The following GABRG3 variants were observed in gnomAD, a reference collection of about 807,000 sequenced individuals.
GABRG3 encodes the protein gamma-aminobutyric acid receptor subunit gamma-3.
A neutral mutation model predicts 48.8 loss-of-function variants in GABRG3; 25 were observed. That is an observed-to-expected ratio of 0.51 (90% CI 0.37 to 0.72). The LOEUF (loss-of-function observed/expected upper bound fraction) is 0.72, where lower values mean the gene tolerates loss of function less well. Ranked by LOEUF, GABRG3 falls within the 30% of genes least tolerant of loss-of-function variation. The probability of loss-of-function intolerance (pLI) is 0.00; values close to 1 mark genes in which losing one functional copy is unlikely to be tolerated. For missense variants in GABRG3, 394 were observed against 577.9 expected, an observed-to-expected ratio of 0.68 and a Z score of 3.26; for synonymous variants, 227 against 217.6, an observed-to-expected ratio of 1.04 and a Z score of -0.38.
chr15:27,363,167 C>G (rs943997722), intron 5 of GABRG3: 2 of 152,178 alleles, frequency 1.3e-5, no homozygotes, highest in Non-Finnish European at 2.9e-5. Flanking sequence ...TCCACAAACA[C>G]TGCAAAGGCA....
intron 3 of GABRG3, among the ~76,000 whole-genome samples, chr15:27,245,143 C>G (rs938239489): frequency 5.9e-5 from 9 of 152,160 alleles, no homozygotes; most frequent in African/African-American, 2.2e-4. Context: ...GAGAACTGCC[C>G]TCCTCTGCTG....
rs577482751 is a variant in GABRG3 at position 27,446,331 on chromosome 15, A to G, written c.575-34319A>G. Among the ~76,000 whole-genome samples, 53 of 152,234 alleles carry G rather than the reference A, an allele frequency of 3.5e-4. No homozygotes were observed. The South Asian group carries it at 5.6e-3, about 16-fold the overall frequency. On this transcript the variant is annotated intron_variant, in intron 5 of 9. Coordinates refer to ENST00000615808, the MANE Select transcript of GABRG3 (RefSeq NM_033223.5). ...TAATTTCTTTAAAATATTTTGTAGG[A>G]CATTCGTGTGCTTCTGATTTGATTG... is the stretch of plus-strand genomic sequence containing the variant.
chr15:27,137,952 A>G (rs1898038637), intron 3 of GABRG3, among the ~76,000 whole-genome samples: 1 of 152,182 alleles, frequency 6.6e-6, no homozygotes, highest in African/African-American at 2.4e-5. Flanking sequence ...ACACCCATGC[A>G]CCCATCAAAG....
chr15:27,096,916 C>T lies in GABRG3; in HGVS notation c.270+70095C>T, dbSNP rs746552462. 4.7e-5 allele frequency among the ~76,000 whole-genome samples: 7 copies of T among 149,726 alleles called. No homozygotes were observed. The South Asian group carries it at 8.5e-4, about 18-fold the overall frequency. The stretch of plus-strand genomic sequence containing the variant: ...AGTGCAGTGGCCCAATCTCGGCTCA[C>T]TGCAACCTCCACCTCCTAGGTTCAA... On this transcript the variant is annotated intron_variant, in intron 3 of 9. Coordinates refer to ENST00000615808, the MANE Select transcript of GABRG3 (RefSeq NM_033223.5).
chr15:27,312,748 T>C (rs1045604947), intron 3 of GABRG3, among the ~76,000 whole-genome samples: 5 of 152,146 alleles, frequency 3.3e-5, no homozygotes. Context: ...TCATCACTAC[T>C]AGGCCTGCCT....
chr15:27,343,926 C>T (rs1292968183), intron 5 of GABRG3, among the ~76,000 whole-genome samples: 1 of 148,762 alleles, frequency 6.7e-6, no homozygotes, highest in Non-Finnish European at 1.5e-5. Context: ...TACTTCTAGG[C>T]ACCTTTCCTT....
intron 3 of GABRG3, among the ~76,000 whole-genome samples, chr15:27,119,291 G>T (rs1163668809): frequency 6.6e-6 from 1 of 152,102 alleles, no homozygotes; most frequent in Non-Finnish European, 1.5e-5. Context: ...GTTTATGAAG[G>T]CTCCAGTGTA....
At chr15:27,153,860 A>G (rs1407986359) in intron 3 of GABRG3, among the ~76,000 whole-genome samples, 1 of 152,178 alleles carries the variant, frequency 6.6e-6, no homozygotes, top group East Asian at 1.9e-4. Context: ...TCTGTGTCAT[A>G]TCTGAATCAT....
chr15:27,427,749 T>C (rs1888334000), intron 5 of GABRG3, among the ~76,000 whole-genome samples: 1 of 152,230 alleles, frequency 6.6e-6, no homozygotes, highest in South Asian at 2.1e-4. Flanking sequence ...AAGTAGTTCA[T>C]TTTTTTCTCT....
intron 5 of GABRG3, among the ~76,000 whole-genome samples, chr15:27,453,110 T>C (rs1397544013): frequency 6.6e-6 from 1 of 152,128 alleles, no homozygotes; most frequent in East Asian, 1.9e-4. Context: ...AAGCAGAGAT[T>C]AGAATAGTGG....
chr15:27,060,904 A>G (rs1381932574), intron 3 of GABRG3, among the ~76,000 whole-genome samples: 2 of 152,096 alleles, frequency 1.3e-5, no homozygotes, highest in East Asian at 1.9e-4. Context: ...TTTCTTCTGT[A>G]TGGTCCTAAT....
intron 3 of GABRG3, among the ~76,000 whole-genome samples, chr15:27,062,956 G>C (rs939648224): frequency 3.3e-5 from 5 of 152,178 alleles, no homozygotes; most frequent in African/African-American, 1.2e-4. Context: ...ACTAATATCT[G>C]CTGATCCTTT....
At chr15:27,223,699 G>T (rs1274315670) in intron 3 of GABRG3, among the ~76,000 whole-genome samples, 1 of 152,116 alleles carries the variant, frequency 6.6e-6, no homozygotes, top group Non-Finnish European at 1.5e-5. Flanking sequence ...GTATGGAAAG[G>T]TGTCTAGTAC....
chr15:27,138,968 C>T (rs980219019), intron 3 of GABRG3, among the ~76,000 whole-genome samples: 3 of 151,900 alleles, frequency 2.0e-5, no homozygotes, highest in African/African-American at 7.3e-5. Context: ...TCAGGGTTCT[C>T]CAGAGAGGAA....
At chr15:27,409,330 C>T (rs576477542) in intron 5 of GABRG3, among the ~76,000 whole-genome samples, 3 of 152,028 alleles carry the variant, frequency 2.0e-5, no homozygotes, top group Non-Finnish European at 4.4e-5. Context: ...ATTTTTCAAG[C>T]ACCATTTGTT....
chr15:27,032,837 C>G (rs1256480666), intron 3 of GABRG3, among the ~76,000 whole-genome samples: 11 of 150,346 alleles, frequency 7.3e-5, no homozygotes, highest in Admixed American at 7.3e-4. Context: ...AGTGGTTTTT[C>G]CCTTGCCTCT....
chr15:27,492,400 G>A (rs1421124955), intron 6 of GABRG3, among the ~76,000 whole-genome samples: 2 of 152,186 alleles, frequency 1.3e-5, no homozygotes, highest in African/African-American at 4.8e-5. Context: ...TTAATGCGCT[G>A]CTCCCAGCAC....
At chr15:27,103,832 C>G (rs1316244682) in intron 3 of GABRG3, among the ~76,000 whole-genome samples, 1 of 152,160 alleles carries the variant, frequency 6.6e-6, no homozygotes, top group Non-Finnish European at 1.5e-5. Flanking sequence ...GGGGCATATC[C>G]ACCCACAGTT....
chr15:27,328,944 G>A (rs1490115346), intron 5 of GABRG3, 56 bp downstream of exon 5: 1 of 1,355,956 alleles, frequency 7.4e-7, no homozygotes, highest in Non-Finnish European at 1.1e-6. Flanking sequence ...GCCTAGCCTG[G>A]TACTGCTTCT....
Sources: allele counts gnomAD v4.1 joint callset (sites outside exome capture counted in the v4.1 genomes callset), GRCh38; gene constraint gnomAD v4.1.1; transcripts MANE v1.5; gene names NCBI Gene and HGNC (gene_info 2026-07-23, HGNC 2026-07-21).